Variants in TRIM44 observed in about 807,000 individuals in gnomAD.
TRIM44 encodes the protein tripartite motif-containing protein 44.
A neutral mutation model predicts 37.4 loss-of-function variants in TRIM44; 13 were observed. That is an observed-to-expected ratio of 0.35 (90% CI 0.23 to 0.55). TRIM44 has a LOEUF of 0.55. Ranked by LOEUF, TRIM44 falls within the 20% of genes least tolerant of loss-of-function variation. The pLI, the probability that TRIM44 is intolerant of heterozygous loss-of-function variation, is 0.89. For missense variants in TRIM44, 426 were observed against 437.2 expected (o/e 0.97, Z 0.23); for synonymous variants, 175 against 157.2 (o/e 1.11, Z -0.85).
intron 4 of TRIM44, among the ~76,000 whole-genome samples, chr11:35,788,462 T>C (rs992006687): frequency 5.3e-5 from 8 of 152,112 alleles, no homozygotes; most frequent in Non-Finnish European, 1.2e-4. Flanking sequence ...AAATAAAGCC[T>C]CTAGTATGGC....
At chr11:35,677,992 CA>C (rs1232219882) in intron 1 of TRIM44, among the ~76,000 whole-genome samples, 2 of 152,036 alleles carry the variant, frequency 1.3e-5, no homozygotes, top group African/African-American at 4.8e-5. Context: ...CATAGTGGTT[CA>C]ACTGAAGGGA....
chr11:35,719,461 C>G (rs1564975455), intron 2 of TRIM44, among the ~76,000 whole-genome samples: 1 of 152,098 alleles, frequency 6.6e-6, no homozygotes, highest in African/African-American at 2.4e-5. Context: ...TTTTAGATAA[C>G]AGTCCATTAT....
chr11:35,743,684 A>T (rs181173624), intron 4 of TRIM44, among the ~76,000 whole-genome samples: 1 of 152,106 alleles, frequency 6.6e-6, no homozygotes, highest in African/African-American at 2.4e-5. Context: ...AAAGACACTG[A>T]TATTCTATTC....
intron 1 of TRIM44, among the ~76,000 whole-genome samples, chr11:35,666,928 A>G (rs1025006854): frequency 2.0e-5 from 3 of 152,032 alleles, no homozygotes; most frequent in Non-Finnish European, 2.9e-5. Context: ...GTGAAGAGAG[A>G]TACTTTTTGT....
intron 2 of TRIM44, among the ~76,000 whole-genome samples, chr11:35,703,062 C>A (rs7129578): frequency 6.6e-6 from 1 of 152,210 alleles, no homozygotes; most frequent in African/African-American, 2.4e-5. Context: ...CCTAATACCG[C>A]GCTTTTCCGA....
intron 4 of TRIM44, among the ~76,000 whole-genome samples, chr11:35,799,316 C>T (rs566048894): frequency 2.0e-5 from 3 of 152,330 alleles, no homozygotes; most frequent in Admixed American, 6.5e-5. Context: ...GCACTGTGGT[C>T]AGAGTGTGGG....
chr11:35,699,922 A>G (rs1307431186), intron 2 of TRIM44, among the ~76,000 whole-genome samples: 1 of 152,188 alleles, frequency 6.6e-6, no homozygotes, highest in Non-Finnish European at 1.5e-5. Context: ...AAGGAGAACT[A>G]CAAACCACTG....
intron 4 of TRIM44, among the ~76,000 whole-genome samples, chr11:35,761,089 T>A (rs1852718947): frequency 6.6e-6 from 1 of 152,264 alleles, no homozygotes; most frequent in African/African-American, 2.4e-5. Context: ...TATAATGTCC[T>A]TCAGGTTCAT....
chr11:35,711,418 T>C (rs1156287505), intron 2 of TRIM44, among the ~76,000 whole-genome samples: 10 of 151,780 alleles, frequency 6.6e-5, no homozygotes, highest in Non-Finnish European at 1.0e-4. Context: ...CTCAATGCTA[T>C]CTGACCTTGG....
chr11:35,795,198 G>A (rs1853265083), intron 4 of TRIM44, among the ~76,000 whole-genome samples: 1 of 152,130 alleles, frequency 6.6e-6, no homozygotes, highest in Admixed American at 6.5e-5. Context: ...GGAGAGAGGG[G>A]CCAAAGCATG....
intron 4 of TRIM44, among the ~76,000 whole-genome samples, chr11:35,738,810 G>A (rs1045045767): frequency 2.0e-5 from 3 of 152,136 alleles, no homozygotes; most frequent in Admixed American, 6.5e-5. Context: ...AAATGAAGCC[G>A]GAGACACTGA....
intron 1 of TRIM44, among the ~76,000 whole-genome samples, chr11:35,679,771 C>T (rs894318431): frequency 2.6e-5 from 4 of 152,184 alleles, no homozygotes; most frequent in Admixed American, 2.0e-4. Context: ...TGGGACAACA[C>T]TCTAAAAGCC....
At chr11:35,796,233 C>T (rs186420131) in intron 4 of TRIM44, among the ~76,000 whole-genome samples, 17 of 149,168 alleles carry the variant, frequency 1.1e-4, no homozygotes, top group African/African-American at 1.7e-4. Flanking sequence ...TGTGCGCGCG[C>T]GCACGTGTGT....
At chr11:35,730,117 A>G (rs1311482720) in intron 3 of TRIM44, among the ~76,000 whole-genome samples, 1 of 152,240 alleles carries the variant, frequency 6.6e-6, no homozygotes, top group Non-Finnish European at 1.5e-5. Flanking sequence ...GAGCAATTAC[A>G]AGCACTCTGG....
In TRIM44 at chr11:35,725,612, A is replaced by G. The variant is rs189663102; in HGVS notation, c.748-312A>G. On this transcript the variant is annotated intron_variant, in intron 2 of 4. Coordinates refer to ENST00000299413, the MANE Select transcript of TRIM44 (RefSeq NM_017583.6). ...TGGCCTCCCAAAGTGCTAGGATTACATTCATGAGCCACCACGCCCGGCCTC... is the reference window on the plus strand; with the variant it reads ...TGGCCTCCCAAAGTGCTAGGATTACGTTCATGAGCCACCACGCCCGGCCTC... Among the ~76,000 whole-genome samples the G allele has an allele frequency of 1.9e-3, 286 of 152,286 alleles. 2 individuals are homozygous for G. The highest frequency in any genetic ancestry group is 6.5e-3 in the African/African-American group (270 of 41,550).
rs141235257 is a variant in TRIM44 at position 35,679,716 on chromosome 11, C to G, written c.670-5543C>G. 1.9e-3 allele frequency among the ~76,000 whole-genome samples: 282 copies of G among 152,270 alleles called. 2 individuals are homozygous for G. Among genetic ancestry groups the G allele is most frequent in the African/African-American group, 6.5e-3 (271 of 41,560 alleles). On this transcript the variant is annotated intron_variant, in intron 1 of 4. Coordinates refer to ENST00000299413, the MANE Select transcript of TRIM44 (RefSeq NM_017583.6). The stretch of plus-strand genomic sequence containing the variant: ...TCTTTATTTTTATGTCATATGTCCT[C>G]ATTTTTAAATGCTAGCAACTAACTT...
chr11:35,682,691 G>A (rs184570600), intron 1 of TRIM44, among the ~76,000 whole-genome samples: 20 of 152,262 alleles, frequency 1.3e-4, no homozygotes, highest in Admixed American at 1.3e-3. Context: ...CCTCTCCTCT[G>A]TCTCTTCCCT....
chr11:35,741,189 A>G (rs1338757868), intron 4 of TRIM44, among the ~76,000 whole-genome samples: 2 of 152,190 alleles, frequency 1.3e-5, no homozygotes, highest in East Asian at 1.9e-4. Context: ...TGGGGTGCCA[A>G]CATCTAAGTT....
intron 4 of TRIM44, among the ~76,000 whole-genome samples, chr11:35,804,163 G>T (rs1025985232): frequency 1.3e-5 from 2 of 152,094 alleles, no homozygotes; most frequent in African/African-American, 4.8e-5. Flanking sequence ...ATCAATAAAT[G>T]ATATGCCAGT....
Sources: gnomAD v4.1 joint callset for allele counts (sites outside exome capture counted in the v4.1 genomes callset) on GRCh38, gnomAD v4.1.1 for gene constraint, MANE v1.5 for transcripts, NCBI Gene and HGNC (gene_info 2026-07-23, HGNC 2026-07-21) for gene names.